SP140: variants seen among roughly 807,000 people sequenced by gnomAD.
SP140 encodes the protein SP140 nuclear body protein.
In SP140, 81 loss-of-function variants were observed where a neutral mutation model predicts 125.0. The ratio of observed to expected loss-of-function variants is 0.65; its 90% confidence interval spans 0.54 to 0.78. The LOEUF (loss-of-function observed/expected upper bound fraction) is 0.78. Ranked by LOEUF, SP140 falls within the 30% of genes least tolerant of loss-of-function variation. The pLI, the probability that SP140 is intolerant of heterozygous loss-of-function variation, is 0.00. For synonymous variants in SP140, 312 were observed against 354.0 expected (o/e 0.88, Z 1.33); for missense variants, 858 against 1,037.0 (o/e 0.83, Z 2.37).
chr2:230,223,926 G>A (rs774141842), upstream of SP140, among the ~76,000 whole-genome samples: 8 of 152,314 alleles, frequency 5.3e-5, no homozygotes, highest in African/African-American at 1.2e-4. Flanking sequence ...GAGGCAGGCC[G>A]GAGCCTTCTG....
Position 230,237,457 on chromosome 2 carries a change from G to T in SP140, c.237+197G>T, listed in dbSNP as rs983048144. 2 of 539,498 alleles carry T rather than the reference G, an allele frequency of 3.7e-6. No homozygotes were observed. The allele number at this position is 539,498 out of a possible 1,614,324, so 33.4% of individuals were successfully genotyped here. On this transcript the variant is annotated intron_variant, in intron 2 of 26. Transcript: ENST00000392045. This position sits in a 1 kb window ranked among gnomAD's most constrained non-coding sequence, Gnocchi z 5.4. ...GTAAATGTTGGGGGAGGGCCACAGT[G>T]AGGGAGGTGGGGCAGGAGAGAGAAT...
chr2:230,218,244 C>T (rs1006734066), intron 3 of SP140, among the ~76,000 whole-genome samples: 2 of 152,148 alleles, frequency 1.3e-5, no homozygotes, highest in Non-Finnish European at 2.9e-5. Flanking sequence ...AAAAGTAAAT[C>T]GTAATTAACA....
intron 18 of SP140, among the ~76,000 whole-genome samples, chr2:230,288,461 C>CT (rs1305004181): frequency 1.7e-5 from 1 of 57,568 alleles, no homozygotes; most frequent in African/African-American, 6.5e-5. Context: ...AACTATCTTT[C>CT]TTTCTTTCTT....
chr2:230,214,881 T>A, intron 3 of SP140: 1 of 1,332,960 alleles, frequency 7.5e-7, no homozygotes. Flanking sequence ...TCCACAGGGC[T>A]AGAAGTAAAC....
At chr2:230,315,570 A>G (rs1242729516), downstream of SP140, among the ~76,000 whole-genome samples, 1 of 152,116 alleles carries the variant, frequency 6.6e-6, no homozygotes, top group East Asian at 1.9e-4. Flanking sequence ...ACATCATAAT[A>G]CGTAGCAATT....
chr2:230,262,412 T>C (rs2052412789), intron 12 of SP140, among the ~76,000 whole-genome samples: 1 of 152,200 alleles, frequency 6.6e-6, no homozygotes, highest in South Asian at 2.1e-4. Context: ...GTTTCATTTA[T>C]CGTTTGTATT....
At chr2:230,248,543 G>A (rs1461714018) in intron 8 of SP140, among the ~76,000 whole-genome samples, 2 of 152,170 alleles carry the variant, frequency 1.3e-5, no homozygotes, top group East Asian at 3.8e-4. Flanking sequence ...CTTTGGAATA[G>A]GAGAGGGATC....
rs1178569617 is a variant in SP140 at position 230,211,376 on chromosome 2, AG to A, written c.-322-2276del. 78 of 836,942 alleles carry A rather than the reference AG, an allele frequency of 9.3e-5. No individual in the cohort carries two copies. Among genetic ancestry groups the A allele is most frequent in the Non-Finnish European group, 1.5e-4 (70 of 478,510 alleles). The allele number at this position is 836,942 out of a possible 1,614,324, so 51.8% of individuals were successfully genotyped here. Reference sequence around the variant, plus strand: ...TGGGCCAAGATTGCTGAGAGGCAGGAGGAGAGCCCCCTCTCTAGAAGATCCG... The same window carrying A: ...TGGGCCAAGATTGCTGAGAGGCAGGAGAGAGCCCCCTCTCTAGAAGATCCG... On this transcript the variant is annotated intron_variant, in intron 1 of 4. Coordinates refer to the SP140 transcript ENST00000456542. The surrounding 1 kb of genome is among the most constrained non-coding windows in gnomAD (Gnocchi z 4.2).
intron 21 of SP140, among the ~76,000 whole-genome samples, chr2:230,295,412 C>G (rs369825686): frequency 5.3e-5 from 8 of 152,332 alleles, no homozygotes; most frequent in African/African-American, 1.7e-4. Flanking sequence ...TATTCAGTGA[C>G]TACACTAAAG....
chr2:230,237,026 A>C lies in SP140; in HGVS notation c.60-57A>C, dbSNP rs2149102879. Reference sequence around the variant, plus strand: ...CCTTCATGTCTAAAATCTTCTAACCACCACAAACCTCTTGGAAACTCAGTG... The same window carrying C: ...CCTTCATGTCTAAAATCTTCTAACCCCCACAAACCTCTTGGAAACTCAGTG... On this transcript the variant is annotated intron_variant, in intron 1 of 26. Transcript: ENST00000392045. This position sits in a 1 kb window ranked among gnomAD's most constrained non-coding sequence, Gnocchi z 5.4. 2.1e-6 allele frequency: 3 copies of C among 1,408,992 alleles called. No homozygotes were observed. The highest frequency in any genetic ancestry group is 2.8e-6 in the Non-Finnish European group (3 of 1,055,964). The allele number at this position is 1,408,992 out of a possible 1,614,324, so 87.3% of individuals were successfully genotyped here.
chr2:230,247,345 A>G (rs371290397), intron 7 of SP140, among the ~76,000 whole-genome samples: 2 of 152,126 alleles, frequency 1.3e-5, no homozygotes, highest in South Asian at 2.1e-4. Flanking sequence ...ATGAAACACT[A>G]TTACTCCATT....
At chr2:230,216,702 T>G in intron 3 of SP140, 2 of 1,546,356 alleles carry the variant, frequency 1.3e-6, no homozygotes, top group Non-Finnish European at 1.8e-6. Context: ...GAAGCCCTGG[T>G]GGTTTGTGGT....
chr2:230,246,084 T>G (rs1016897636), intron 7 of SP140, 144 bp downstream of exon 7: 15 of 617,900 alleles, frequency 2.4e-5, no homozygotes, highest in African/African-American at 5.5e-5. Flanking sequence ...CATCCATATA[T>G]CCATCCATCC....
intron 15 of SP140, among the ~76,000 whole-genome samples, chr2:230,274,637 A>C (rs551989674): frequency 6.6e-6 from 1 of 152,258 alleles, no homozygotes; most frequent in East Asian, 1.9e-4. Context: ...TTTGTCACTA[A>C]ATTTATGGTA....
At chr2:230,283,560 G>A (rs115326133) in intron 15 of SP140, among the ~76,000 whole-genome samples, 1,783 of 152,252 alleles carry the variant, frequency 0.012, 30 homozygotes, top group African/African-American at 0.04. Flanking sequence ...CAGAACACTC[G>A]CAATCCCCAC....
intron 22 of SP140, among the ~76,000 whole-genome samples, chr2:230,302,178 G>A (rs2058339446): frequency 6.7e-6 from 1 of 150,336 alleles, no homozygotes; most frequent in Non-Finnish European, 1.5e-5. Context: ...AAGGTCAGGA[G>A]ATCAAGACCA....
intron 14 of SP140, 69 bp downstream of exon 14, chr2:230,270,022 G>A (rs771583374): frequency 1.0e-6 from 1 of 984,538 alleles, no homozygotes; most frequent in Non-Finnish European, 1.6e-6. Context: ...GTAGGGTGGA[G>A]GTAGGTGCTC....
chr2:230,239,594 C>T (rs1429341835), intron 3 of SP140, among the ~76,000 whole-genome samples: 1 of 152,068 alleles, frequency 6.6e-6, no homozygotes, highest in African/African-American at 2.4e-5. Context: ...TTACAGTCAC[C>T]CACCACCACA....
At chr2:230,263,945 G>A (rs565589263) in intron 12 of SP140, among the ~76,000 whole-genome samples, 1 of 152,232 alleles carries the variant, frequency 6.6e-6, no homozygotes, top group East Asian at 1.9e-4. Flanking sequence ...ATGACAATGT[G>A]CCTAGGCGAA....
Sources: allele counts gnomAD v4.1 joint callset (sites outside exome capture counted in the v4.1 genomes callset), GRCh38; gene constraint gnomAD v4.1.1; non-coding constraint Gnocchi (gnomAD v3.1); transcripts MANE v1.5; gene names NCBI Gene and HGNC (gene_info 2026-07-23, HGNC 2026-07-21).